PDIA5: variants seen among roughly 807,000 people sequenced by gnomAD.
The protein encoded by PDIA5 is protein disulfide-isomerase A5.
Under a neutral mutation model 77.6 loss-of-function variants are expected in PDIA5, and 58 were observed. That is an observed-to-expected ratio of 0.75 (90% CI 0.61 to 0.93). The LOEUF (loss-of-function observed/expected upper bound fraction) is 0.93. PDIA5 is among the 40% of genes least tolerant of loss of function. PDIA5 has a pLI of 0.00. For synonymous variants in PDIA5, 250 were observed against 252.1 expected, an observed-to-expected ratio of 0.99 and a Z score of 0.08; for missense variants, 630 against 647.7, an observed-to-expected ratio of 0.97 and a Z score of 0.30.
intron 11 of PDIA5, among the ~76,000 whole-genome samples, chr3:123,131,477 T>C (rs1487467124): frequency 6.6e-6 from 1 of 151,088 alleles, no homozygotes; most frequent in Admixed American, 6.6e-5. Context: ...AAAGATATTA[T>C]CTAGGGCAGT....
chr3:123,133,982 CTTTTCCTTTT>C (rs1018191996), intron 11 of PDIA5, among the ~76,000 whole-genome samples: 9 of 147,716 alleles, frequency 6.1e-5, no homozygotes, highest in South Asian at 4.3e-4. Flanking sequence ...CTTTTCTTTT[CTTTTCCTTTT>C]CTTTTCTTTT....
intron 15 of PDIA5, among the ~76,000 whole-genome samples, chr3:123,158,652 C>T (rs1295502613): frequency 3.3e-5 from 5 of 152,228 alleles, no homozygotes; most frequent in Non-Finnish European, 5.9e-5. Flanking sequence ...TTACGTCCAG[C>T]TCCTTGAGGC....
intron 11 of PDIA5, among the ~76,000 whole-genome samples, chr3:123,136,795 C>T (rs79104648): frequency 0.089 from 13,165 of 148,130 alleles, 679 homozygotes; most frequent in Non-Finnish European, 0.12. Context: ...AGTAGGACTA[C>T]TTCCTATCCA....
At chr3:123,133,452 G>A (rs750101277) in intron 11 of PDIA5, among the ~76,000 whole-genome samples, 9 of 152,318 alleles carry the variant, frequency 5.9e-5, no homozygotes, top group African/African-American at 2.2e-4. Context: ...TGAATGCGCC[G>A]CTTGGTTTGT....
intron 1 of PDIA5, among the ~76,000 whole-genome samples, chr3:123,084,327 TC>T (rs1934081343): frequency 6.6e-6 from 1 of 152,064 alleles, no homozygotes; most frequent in Admixed American, 6.5e-5. Flanking sequence ...CTGCTGACAT[TC>T]TCTCCAGTGT....
At chr3:123,145,317 T>C (rs1412019933) in intron 11 of PDIA5, 4 of 561,646 alleles carry the variant, frequency 7.1e-6, no homozygotes, top group Non-Finnish European at 1.3e-5. Flanking sequence ...GCAGTTGTTT[T>C]ATTTTTGTGT....
intron 3 of PDIA5, among the ~76,000 whole-genome samples, chr3:123,096,115 C>T (rs1934430889): frequency 6.6e-6 from 1 of 152,012 alleles, no homozygotes; most frequent in Admixed American, 6.6e-5. Context: ...TCTCTCCTGT[C>T]TCCTTCTTTT....
intron 1 of PDIA5, among the ~76,000 whole-genome samples, chr3:123,071,735 G>A (rs1169707891): frequency 6.6e-6 from 1 of 152,192 alleles, no homozygotes; most frequent in African/African-American, 2.4e-5. Flanking sequence ...GAAAGAGCAA[G>A]GTGTGGACTG....
At chr3:123,078,101 C>T (rs568591018) in intron 1 of PDIA5, among the ~76,000 whole-genome samples, 15 of 152,314 alleles carry the variant, frequency 9.8e-5, no homozygotes. Flanking sequence ...AGCCACCGTG[C>T]CCGGCCTAAA....
chr3:123,085,445 A>G (rs1235241568), intron 1 of PDIA5, among the ~76,000 whole-genome samples: 2 of 152,094 alleles, frequency 1.3e-5, no homozygotes, highest in African/African-American at 2.4e-5. Context: ...TAACTTCTCT[A>G]CTGTGTGACT....
chr3:123,117,119 GT>G (rs1209935194), intron 8 of PDIA5, among the ~76,000 whole-genome samples: 2 of 151,698 alleles, frequency 1.3e-5, no homozygotes, highest in African/African-American at 2.4e-5. Flanking sequence ...ACCCTGCCAG[GT>G]TTTTTTGTTC....
chr3:123,145,492 A>G (rs1280756049), intron 11 of PDIA5, 30 bp from the exon 12 acceptor site: 1 of 1,597,234 alleles, frequency 6.3e-7, no homozygotes, highest in East Asian at 2.2e-5. Flanking sequence ...CTGTGCCATA[A>G]GAATGGTTTC....
chr3:123,088,483 C>G (rs549897816), intron 1 of PDIA5, among the ~76,000 whole-genome samples: 1 of 152,298 alleles, frequency 6.6e-6, no homozygotes, highest in South Asian at 2.1e-4. Context: ...TTTGGTGCTT[C>G]TAGATGGGAT....
chr3:123,089,867 T>C (rs1348626481), intron 2 of PDIA5, among the ~76,000 whole-genome samples: 2 of 152,242 alleles, frequency 1.3e-5, no homozygotes, highest in African/African-American at 2.4e-5. Context: ...GCGGCCTGCC[T>C]CTCTTCTGAC....
intron 1 of PDIA5, among the ~76,000 whole-genome samples, chr3:123,074,209 A>C (rs1481482750): frequency 2.2e-4 from 34 of 152,208 alleles, no homozygotes; most frequent in Admixed American, 2.2e-3. Flanking sequence ...GCCTCATGCT[A>C]AGGCATTGGG....
chr3:123,069,674 C>G (rs898377338), intron 1 of PDIA5, among the ~76,000 whole-genome samples: 1 of 152,082 alleles, frequency 6.6e-6, no homozygotes, highest in African/African-American at 2.4e-5. Flanking sequence ...TTCAAGGGCA[C>G]TAATCCTATT....
chr3:123,132,752 C>T lies in PDIA5; in HGVS notation c.910+2136C>T, dbSNP rs187973381. Reference sequence around the variant, plus strand: ...ATGTTGAATCTAGAGCCGAAATCACCATCCTTGCACCCCTGTCCCAGCCGT... The same window carrying T: ...ATGTTGAATCTAGAGCCGAAATCACTATCCTTGCACCCCTGTCCCAGCCGT... On this transcript the variant is annotated intron_variant, in intron 11 of 16. Transcript: ENST00000316218. Among the ~76,000 whole-genome samples, 954 of 152,282 alleles carry T rather than the reference C, an allele frequency of 6.3e-3. 10 individuals carry two copies. The highest frequency in any genetic ancestry group is 8.3e-3 in the Non-Finnish European group (566 of 68,024).
chr3:123,146,893 T>A (rs1935784878), intron 13 of PDIA5, among the ~76,000 whole-genome samples: 1 of 152,192 alleles, frequency 6.6e-6, no homozygotes, highest in Admixed American at 6.5e-5. Context: ...CACTGCAACC[T>A]CCACCTCCCA....
chr3:123,070,302 T>C (rs1399399041), intron 1 of PDIA5, among the ~76,000 whole-genome samples: 2 of 152,150 alleles, frequency 1.3e-5, no homozygotes, highest in African/African-American at 4.8e-5. Context: ...TGAAGTTACA[T>C]GTATGAAGAA....
Sources: allele counts gnomAD v4.1 joint callset (sites outside exome capture counted in the v4.1 genomes callset), GRCh38; gene constraint gnomAD v4.1.1; transcripts MANE v1.5; gene names NCBI Gene and HGNC (gene_info 2026-07-23, HGNC 2026-07-21).